The following PTPRO variants were observed in gnomAD, a reference collection of about 807,000 sequenced individuals.
The protein encoded by PTPRO is protein tyrosine phosphatase receptor type O.
In PTPRO, 62 loss-of-function variants were observed where a neutral mutation model predicts 145.2. The ratio of observed to expected loss-of-function variants is 0.43; its 90% CI spans 0.35 to 0.53. The LOEUF is 0.53. Ranked by LOEUF, PTPRO falls within the 20% of genes least tolerant of loss-of-function variation. The pLI is 0.01. For synonymous variants in PTPRO, 565 were observed against 514.7 expected (o/e 1.10, Z -1.32); for missense variants, 1,345 against 1,482.7 (o/e 0.91, Z 1.53).
chr12:15,551,658 C>G lies in PTPRO; in HGVS notation c.2545C>G (p.Leu849Val). 1 of 1,613,500 alleles carries G rather than the reference C, an allele frequency of 6.2e-7. No individual in the cohort carries two copies. Among genetic ancestry groups the G allele is most frequent in the South Asian group, 1.1e-5 (1 of 91,072 alleles). ...CCTCATTATTCTTAGGAAAAAGCAT[C>G]TGCAGATGGCTAGGTAAGTTAAGTT... Reference protein sequence around the residue: ...VTLIILRKKHLQMARECGAGT... With the variant: ...VTLIILRKKHVQMARECGAGT... The change falls in exon 15 of 27, where the codon CTG becomes GTG. Residue 849 changes from leucine to valine, a missense_variant. Transcript: ENST00000281171.
chr12:15,514,948 A>C (rs1177952884), intron 7 of PTPRO, among the ~76,000 whole-genome samples: 2 of 151,842 alleles, frequency 1.3e-5, no homozygotes, highest in Admixed American at 6.6e-5. Context: ...GTATTTTAGT[A>C]GAGACAGGGT....
chr12:15,432,440 T>A (rs892025383), intron 1 of PTPRO, among the ~76,000 whole-genome samples: 1 of 152,240 alleles, frequency 6.6e-6, no homozygotes, highest in Non-Finnish European at 1.5e-5. Context: ...TCTTTGCTAC[T>A]GTCAATAGTG....
chr12:15,588,897 G>A (rs1944485866), intron 24 of PTPRO, among the ~76,000 whole-genome samples: 1 of 152,142 alleles, frequency 6.6e-6, no homozygotes, highest in African/African-American at 2.4e-5. Flanking sequence ...CCAATGCAGT[G>A]CAAATGTCTC....
Position 15,478,727 on chromosome 12 carries a change from A to G in PTPRO, c.76-5247A>G, listed in dbSNP as rs965988306. Among the ~76,000 whole-genome samples the G allele has an allele frequency of 2.6e-5, 4 of 152,006 alleles. No individual in the cohort carries two copies. The South Asian group carries it at 8.3e-4, about 32-fold the overall frequency. On this transcript the variant is annotated intron_variant, in intron 1 of 26. Coordinates refer to ENST00000281171, the MANE Select transcript of PTPRO (RefSeq NM_030667.3). ...CTCTCTGTCGCCCAGGCTGGAGTGC[A>G]GTGGCGCGATATCGGCTCACTGCAA...
chr12:15,362,558 AT>A (rs1938241465), intron 1 of PTPRO, among the ~76,000 whole-genome samples: 2 of 152,190 alleles, frequency 1.3e-5, no homozygotes. Flanking sequence ...ATGATACAAT[AT>A]TTACAGAAAA....
chr12:15,434,353 G>C (rs1401167851), intron 1 of PTPRO, among the ~76,000 whole-genome samples: 1 of 152,146 alleles, frequency 6.6e-6, no homozygotes, highest in Non-Finnish European at 1.5e-5. Flanking sequence ...ACAAGCCACA[G>C]AGTATACTAA....
At chr12:15,579,821 G>A (rs1591763275) in intron 20 of PTPRO, among the ~76,000 whole-genome samples, 1 of 152,064 alleles carries the variant, frequency 6.6e-6, no homozygotes, top group East Asian at 1.9e-4. Context: ...TTCAAGGACA[G>A]GAGAGCTGGT....
chr12:15,396,476 A>T (rs1343081322), intron 1 of PTPRO, among the ~76,000 whole-genome samples: 2 of 151,948 alleles, frequency 1.3e-5, no homozygotes, highest in Non-Finnish European at 2.9e-5. Flanking sequence ...TTGAAAAAAA[A>T]TTGCTCTAAC....
At chr12:15,568,338 G>A (rs1038665460) in intron 18 of PTPRO, among the ~76,000 whole-genome samples, 1 of 152,174 alleles carries the variant, frequency 6.6e-6, no homozygotes, top group Admixed American at 6.5e-5. Flanking sequence ...GCTGAGGCAG[G>A]AGAATCGCTT....
At chr12:15,468,302 T>C (rs1941462517) in intron 1 of PTPRO, among the ~76,000 whole-genome samples, 1 of 152,188 alleles carries the variant, frequency 6.6e-6, no homozygotes, top group Non-Finnish European at 1.5e-5. Flanking sequence ...AATCAGATCA[T>C]CCCACACCCC....
intron 1 of PTPRO, among the ~76,000 whole-genome samples, chr12:15,367,565 A>C (rs1218049514): frequency 6.6e-6 from 1 of 152,212 alleles, no homozygotes; most frequent in Admixed American, 6.5e-5. Flanking sequence ...GGAACTCCAG[A>C]TTCACATATA....
At chr12:15,490,518 C>T (rs1048530594) in intron 2 of PTPRO, among the ~76,000 whole-genome samples, 1 of 152,114 alleles carries the variant, frequency 6.6e-6, no homozygotes, top group Non-Finnish European at 1.5e-5. Flanking sequence ...TGTTTAGGCA[C>T]AACATCTAAA....
In PTPRO at chr12:15,366,252, T is replaced by C. The variant is rs779004070; in HGVS notation, c.75+43451T>C. Among the ~76,000 whole-genome samples the C allele has an allele frequency of 3.9e-5, 6 of 152,332 alleles. No homozygotes were observed. The East Asian group carries it at 1.2e-3, about 29-fold the overall frequency. ...TAGAAATACTTTCGGTTGCTAGTTGTTAGCCTAATCTTTACTATAGAAGCT... is the reference window on the plus strand; with the variant it reads ...TAGAAATACTTTCGGTTGCTAGTTGCTAGCCTAATCTTTACTATAGAAGCT... On this transcript the variant is annotated intron_variant, in intron 1 of 26. Coordinates refer to ENST00000281171, the MANE Select transcript of PTPRO (RefSeq NM_030667.3).
chr12:15,449,685 TG>T (rs1940997775), intron 1 of PTPRO, among the ~76,000 whole-genome samples: 1 of 152,236 alleles, frequency 6.6e-6, no homozygotes, highest in African/African-American at 2.4e-5. Flanking sequence ...CAAAACCTCA[TG>T]TTATACACCT....
chr12:15,428,149 G>A (rs1249230117), intron 1 of PTPRO, among the ~76,000 whole-genome samples: 1 of 152,148 alleles, frequency 6.6e-6, no homozygotes, highest in Non-Finnish European at 1.5e-5. Flanking sequence ...GCAAAAGCAA[G>A]TGCTCATCTG....
At chr12:15,545,563 G>A (rs1307735250) in intron 12 of PTPRO, among the ~76,000 whole-genome samples, 1 of 151,498 alleles carries the variant, frequency 6.6e-6, no homozygotes, top group African/African-American at 2.4e-5. Context: ...GGGTTTTTTG[G>A]TCTCAAGAGA....
At position 15,416,978 on chromosome 12, in the gene PTPRO, T is replaced by C. The variant is rs150897958; in HGVS notation, c.76-66996T>C. Among the ~76,000 whole-genome samples the C allele has an allele frequency of 4.5e-4, 69 of 151,810 alleles. 3 individuals carry two copies. The highest frequency in any genetic ancestry group is 1.7e-3 in the African/African-American group (68 of 41,086). On this transcript the variant is annotated intron_variant, in intron 1 of 26. Transcript: ENST00000281171. The stretch of plus-strand genomic sequence containing the variant: ...AAGGTTCGGTCTATACACAATCATA[T>C]TGATTAGATGTAATTGATAGATTAT...
At chr12:15,591,903 G>A (rs1944561752) in intron 25 of PTPRO, among the ~76,000 whole-genome samples, 1 of 151,834 alleles carries the variant, frequency 6.6e-6, no homozygotes, top group Non-Finnish European at 1.5e-5. Context: ...AATTAATTAT[G>A]AAATAATTAA....
Position 15,322,778 on chromosome 12 carries a change from C to A in PTPRO, c.52C>A (p.Leu18Ile), listed in dbSNP as rs1286868281. The change falls in exon 1 of 27, where the codon CTC becomes ATC. Residue 18 changes from leucine to isoleucine, a missense_variant. This residue lies in a region of PTPRO where 1,130 missense variants were observed against 1,214.7 expected (regional missense o/e 0.93). Transcript: ENST00000281171. This position sits in a 1 kb window ranked among gnomAD's most constrained non-coding sequence, Gnocchi z 6.3. ...CGGCGCCCGCCGCCTCCTGCCTCTG[C>A]TCTGGCTCTTTGTGCTGTTCAAGGT... ...IHGARRLLPLLWLFVLFKNAT... is the reference protein window; with the variant it reads ...IHGARRLLPLIWLFVLFKNAT... 1 of 1,612,806 alleles carries A rather than the reference C, an allele frequency of 6.2e-7. No homozygotes were observed. The highest frequency in any genetic ancestry group is 1.3e-5 in the African/African-American group (1 of 74,890).
Sources: allele counts gnomAD v4.1 joint callset (sites outside exome capture counted in the v4.1 genomes callset), GRCh38; gene constraint gnomAD v4.1.1; regional missense constraint gnomAD v4.1.1; non-coding constraint Gnocchi (gnomAD v3.1); transcripts MANE v1.5; gene names NCBI Gene and HGNC (gene_info 2026-07-23, HGNC 2026-07-21).